The following PTCD3 variants were observed in gnomAD, a reference collection of about 807,000 sequenced individuals.
PTCD3 encodes pentatricopeptide repeat domain 3.
In PTCD3, 89 loss-of-function variants were observed where a neutral mutation model predicts 101.9. The observed-to-expected ratio is 0.87, with a 90% CI of 0.74 to 1.04. The LOEUF (loss-of-function observed/expected upper bound fraction) is 1.04, where lower values mean the gene tolerates loss of function less well. Among genes scored for constraint, PTCD3 ranks in the 50% least tolerant of loss-of-function variants. The pLI is 0.00. For missense variants in PTCD3, 870 were observed against 828.2 expected (o/e 1.05, Z -0.62); for synonymous variants, 296 against 278.5 (o/e 1.06, Z -0.63).
chr2:86,138,269 TGAC>T lies in PTCD3; in HGVS notation c.*711_*713del, dbSNP rs1473288629. 6.6e-6 allele frequency: 1 copy of T among 152,290 alleles called. No homozygotes were observed. Among genetic ancestry groups the T allele is most frequent in the Non-Finnish European group, 1.5e-5 (1 of 68,112 alleles). 9.4% of individuals were successfully genotyped at this position (152,290 alleles called of 1,614,324 possible). ...TAGTGGTTGAAATGAGAGCTAGTGA[TGAC>T]AGAAGGATGTGGAATGTCTTCTTGA... is the stretch of plus-strand genomic sequence containing the variant. On this transcript the variant is annotated 3_prime_UTR_variant, in exon 24 of 24. Transcript: ENST00000254630.
At chr2:86,120,326 G>A (rs557766031) in intron 7 of PTCD3, among the ~76,000 whole-genome samples, 1 of 152,138 alleles carries the variant, frequency 6.6e-6, no homozygotes, top group African/African-American at 2.4e-5. Context: ...ACCAGGGAAA[G>A]GATCCTAGAA....
At chr2:86,124,496 G>T (rs533652786) in intron 9 of PTCD3, among the ~76,000 whole-genome samples, 2 of 152,140 alleles carry the variant, frequency 1.3e-5, no homozygotes, top group Non-Finnish European at 2.9e-5. Context: ...GTGGTGGCAC[G>T]TGCCTGTAAT....
Position 86,106,298 on chromosome 2 carries a change from C to G in PTCD3, c.51C>G (p.Gly17=). The G allele has an allele frequency of 6.2e-7, 1 of 1,614,010 alleles. No individual in the cohort carries two copies. Among genetic ancestry groups the G allele is most frequent in the Non-Finnish European group, 8.5e-7 (1 of 1,179,990 alleles). ...VRWLGLRSRL[G]QPLTGRRAGL... is the part of the protein sequence containing the mutation. ...GGCTGGGCCTCCGCAGCAGGCTTGG[C>G]CAGCCGCTGACGGGTCGGCGGGCGG... Residue 17 remains glycine, a synonymous_variant, in exon 1 of 24, where the codon GGC becomes GGG. Transcript: ENST00000254630.
At position 86,140,599 on chromosome 2, in the gene PTCD3, GT is replaced by G. The variant is rs1433779897; in HGVS notation, c.*3041del. The G allele has an allele frequency of 6.6e-6, 1 of 152,182 alleles. No homozygotes were observed. Among genetic ancestry groups the G allele is most frequent in the Non-Finnish European group, 1.5e-5 (1 of 68,034 alleles). 9.4% of individuals were successfully genotyped at this position (152,182 alleles called of 1,614,324 possible). On this transcript the variant is annotated 3_prime_UTR_variant, in exon 24 of 24. Coordinates refer to ENST00000254630, the MANE Select transcript of PTCD3 (RefSeq NM_017952.6). ...AAATTGAGTCACTAGGAGCATGGAT[GT>G]ATAAGGCAGGTTTTATACAACCATT... is the stretch of plus-strand genomic sequence containing the variant.
chr2:86,109,828 A>G (rs1440750365), intron 3 of PTCD3, among the ~76,000 whole-genome samples: 1 of 152,272 alleles, frequency 6.6e-6, no homozygotes, highest in Non-Finnish European at 1.5e-5. Flanking sequence ...TTACATTGAA[A>G]GGAATTAATT....
At position 86,121,711 on chromosome 2, in the gene PTCD3, GAT is replaced by G. The variant is rs375657330; in HGVS notation, c.654+118_654+119del. The G allele has an allele frequency of 2.3e-3, 1,361 of 592,898 alleles. 4 individuals are homozygous for G. Among genetic ancestry groups the G allele is most frequent in the Non-Finnish European group, 3.2e-3 (1,075 of 340,578 alleles). 36.7% of individuals were successfully genotyped at this position (592,898 alleles called of 1,614,324 possible). A position where few individuals can be genotyped will look rare whatever the true frequency, so the allele number is the denominator to read the frequency against. On this transcript the variant is annotated intron_variant, in intron 8 of 23. Transcript: ENST00000254630. ...TCAGGGTAGTAGAGATTTGTACTGA[GAT>G]GTGTGGTACGATAGCCTTGATAAAA...
chr2:86,107,162 C>G (rs1368029123), intron 1 of PTCD3: 3 of 471,098 alleles, frequency 6.4e-6, no homozygotes, highest in South Asian at 3.1e-5. Flanking sequence ...ACTGCAGAAA[C>G]CTTTGTGCTG....
chr2:86,121,433 C>G (rs755493466), intron 7 of PTCD3, 46 bp from the exon 8 acceptor site: 1 of 1,248,358 alleles, frequency 8.0e-7, no homozygotes, highest in East Asian at 2.3e-5. Flanking sequence ...GGCTTTAGTT[C>G]TTCATTGTTT....
chr2:86,127,513 T>C (rs1364852708), intron 13 of PTCD3: 3 of 560,308 alleles, frequency 5.4e-6, no homozygotes, highest in African/African-American at 1.9e-5. Flanking sequence ...TTAGGTACTT[T>C]GTTTATGGAT....
At position 86,127,284 on chromosome 2, in the gene PTCD3, G is replaced by A. The variant is rs778871875; in HGVS notation, c.1075G>A (p.Glu359Lys). 6 of 1,614,032 alleles carry A rather than the reference G, an allele frequency of 3.7e-6. No homozygotes were observed. Among genetic ancestry groups the A allele is most frequent in the Non-Finnish European group, 4.2e-6 (5 of 1,179,984 alleles). Reference protein sequence around the residue: ...ARSPALQVLREMKAIGIEPSL... With the variant: ...ARSPALQVLRKMKAIGIEPSL... The stretch of plus-strand genomic sequence containing the variant: ...ATCGCCAGCCTTACAGGTTTTACGT[G>A]AAATGAAAGCCATTGGAATAGGTGA... Residue 359 changes from glutamate (E) to lysine (K), a missense_variant, in exon 13 of 24, where the codon GAA becomes AAA. Coordinates refer to ENST00000254630, the MANE Select transcript of PTCD3 (RefSeq NM_017952.6).
intron 9 of PTCD3, among the ~76,000 whole-genome samples, chr2:86,124,075 C>T (rs938365726): frequency 3.9e-5 from 6 of 152,016 alleles, no homozygotes; most frequent in Non-Finnish European, 8.8e-5. Context: ...GAATATATAC[C>T]TCTAATTCTG....
intron 17 of PTCD3, 58 bp downstream of exon 17, chr2:86,132,482 G>C: frequency 8.2e-7 from 1 of 1,225,896 alleles, no homozygotes; most frequent in Non-Finnish European, 1.2e-6. Flanking sequence ...CAAGTGGGAG[G>C]CTGTTGATGT....
chr2:86,123,627 A>T, intron 8 of PTCD3, 74 bp from the exon 9 acceptor site: 2 of 1,174,272 alleles, frequency 1.7e-6, no homozygotes, highest in Admixed American at 2.6e-5. Context: ...TGCCTTTCTG[A>T]TTTTGAGTAG....
intron 16 of PTCD3, among the ~76,000 whole-genome samples, chr2:86,131,819 G>A (rs1193561626): frequency 6.6e-6 from 1 of 152,166 alleles, no homozygotes; most frequent in African/African-American, 2.4e-5. Flanking sequence ...AATTACAAAA[G>A]CCGCTACTTT....
rs1346855185 is a variant in PTCD3 at position 86,134,912 on chromosome 2, C to T, written c.1703C>T (p.Ala568Val). The T allele has an allele frequency of 1.2e-6, 2 of 1,614,112 alleles. No homozygotes were observed. The highest frequency in any genetic ancestry group is 1.7e-6 in the Non-Finnish European group (2 of 1,179,994). ...AYESQPIRQT[A>V]QDWPATSLNC... Reference sequence around the variant, plus strand: ...GAAAGCCAACCCATCAGACAGACTGCTCAGGATTGGCCAGCCACCTCTCTC... The same window carrying T: ...GAAAGCCAACCCATCAGACAGACTGTTCAGGATTGGCCAGCCACCTCTCTC... The change falls in exon 21 of 24, where the codon GCT becomes GTT. Residue 568 changes from alanine to valine, a missense_variant. By Grantham distance (64) the Ala-to-Val change is moderately conservative. Transcript: ENST00000254630.
rs759531546 is a variant in PTCD3, at chr2:86,130,650, G to A, written c.1150G>A (p.Asp384Asn). The change falls in exon 15 of 24, where the codon GAC becomes AAC. Residue 384 changes from aspartate to asparagine, a missense_variant and splice_region_variant. Coordinates refer to ENST00000254630, the MANE Select transcript of PTCD3 (RefSeq NM_017952.6). ...HIIRLFDQPG[D>N]PLKRSSFIIY... Reference sequence around the variant, plus strand: ...ACATTTGCTTTCTTGTTCTGCAGGAGACCCTTTAAAGAGATCATCCTTCAT... The same window carrying A: ...ACATTTGCTTTCTTGTTCTGCAGGAAACCCTTTAAAGAGATCATCCTTCAT... 6.2e-7 allele frequency: 1 copy of A among 1,607,936 alleles called. No individual in the cohort carries two copies. Among genetic ancestry groups the A allele is most frequent in the South Asian group, 1.1e-5 (1 of 89,568 alleles).
chr2:86,119,141 G>A, intron 7 of PTCD3, 97 bp downstream of exon 7: 1 of 1,460,340 alleles, frequency 6.8e-7, no homozygotes, highest in Non-Finnish European at 9.4e-7. Context: ...TACAGGTCCT[G>A]CTGTACTTAC....
chr2:86,109,116 C>T (rs1457515273), intron 3 of PTCD3, among the ~76,000 whole-genome samples: 1 of 152,164 alleles, frequency 6.6e-6, no homozygotes, highest in Non-Finnish European at 1.5e-5. Context: ...GACCTAAAGA[C>T]TCGGGTTCGC....
At chr2:86,118,022 G>A (rs185282690) in intron 6 of PTCD3, among the ~76,000 whole-genome samples, 2 of 152,130 alleles carry the variant, frequency 1.3e-5, no homozygotes, top group African/African-American at 2.4e-5. Context: ...TGATCCACCC[G>A]ACTTGGCCTC....
Sources: gnomAD v4.1 joint callset for allele counts (sites outside exome capture counted in the v4.1 genomes callset) on GRCh38, gnomAD v4.1.1 for gene constraint, MANE v1.5 for transcripts, NCBI Gene and HGNC (gene_info 2026-07-23, HGNC 2026-07-21) for gene names.